TMEM196: variants seen among roughly 807,000 people sequenced by gnomAD.
TMEM196 encodes the protein transmembrane protein 196.
Under a neutral mutation model 20.0 loss-of-function variants are expected in TMEM196, and 17 were observed. The observed-to-expected ratio is 0.85, with a 90% confidence interval of 0.58 to 1.27. TMEM196 has a LOEUF of 1.27. Ranked by LOEUF, TMEM196 falls within the 50% of genes most tolerant of loss-of-function variation. The pLI, the probability that TMEM196 is intolerant of heterozygous loss-of-function variation, is 0.00. For missense variants in TMEM196, 267 were observed against 223.0 expected (o/e 1.20, Z -1.26); for synonymous variants, 113 against 88.9 (o/e 1.27, Z -1.52).
At chr7:19,765,434 ACATCATG>A (rs1785588330) in intron 1 of TMEM196, among the ~76,000 whole-genome samples, 1 of 152,170 alleles carries the variant, frequency 6.6e-6, no homozygotes, top group African/African-American at 2.4e-5. Context: ...TGTGAATAAT[ACATCATG>A]TAATAAACAT....
At chr7:19,769,971 T>C (rs1488762909) in intron 1 of TMEM196, among the ~76,000 whole-genome samples, 1 of 152,102 alleles carries the variant, frequency 6.6e-6, no homozygotes, top group East Asian at 1.9e-4. Flanking sequence ...AATGACCCCA[T>C]TTTATAGATA....
intron 1 of TMEM196, among the ~76,000 whole-genome samples, chr7:19,758,665 T>G (rs1785311655): frequency 6.6e-6 from 1 of 152,242 alleles, no homozygotes; most frequent in African/African-American, 2.4e-5. Context: ...TCAATTATAA[T>G]TCTCAACCAA....
rs896813649 is a variant in TMEM196, at chr7:19,725,582, A to T, written c.391T>A (p.Tyr131Asn). The change falls in exon 3 of 5, where the codon TAT becomes AAT. Residue 131 changes from tyrosine to asparagine, a missense_variant. Transcript: ENST00000405844. Reference sequence around the variant, plus strand: ...TCTGAGAACATCCTCCTCTGTTCATAACTGGCTAGTCGACAAGTGAGCCAG... The same window carrying T: ...TCTGAGAACATCCTCCTCTGTTCATTACTGGCTAGTCGACAAGTGAGCCAG... ...SSWLTCRLAS[Y>N]EQRRMFSERE... is the part of the protein sequence containing the mutation. 6.2e-7 allele frequency: 1 copy of T among 1,614,096 alleles called. No individual in the cohort carries two copies. The highest frequency in any genetic ancestry group is 8.5e-7 in the Non-Finnish European group (1 of 1,179,984).
At chr7:19,748,074 C>T (rs10223937) in intron 1 of TMEM196, among the ~76,000 whole-genome samples, 35,549 of 151,620 alleles carry the variant, frequency 0.23, 5,217 homozygotes, top group East Asian at 0.45. Context: ...TTCCACTGGT[C>T]TCTCCCATGC....
chr7:19,760,655 C>G (rs1250656364), intron 1 of TMEM196, among the ~76,000 whole-genome samples: 1 of 152,122 alleles, frequency 6.6e-6, no homozygotes, highest in Admixed American at 6.6e-5. Flanking sequence ...GCCACTGCGC[C>G]CAGCCTATTT....
chr7:19,762,986 C>G (rs1583459731), intron 1 of TMEM196, among the ~76,000 whole-genome samples: 1 of 152,170 alleles, frequency 6.6e-6, no homozygotes, highest in South Asian at 2.1e-4. Flanking sequence ...GTAATAGCAG[C>G]CTAAATGCAG....
At position 19,773,001 on chromosome 7, in the gene TMEM196, G is replaced by A. The variant is rs1562634827; in HGVS notation, c.-305C>T. On this transcript the variant is annotated 5_prime_UTR_variant, in exon 1 of 5. Transcript: ENST00000405844. ...GGGGCTTTTAAGCAGCGGAAAACCT[G>A]GAGGAGCCCAGGGAGCTCCGAGCCT... 1 of 242,220 alleles carries A rather than the reference G, an allele frequency of 4.1e-6. No individual in the cohort carries two copies. Among genetic ancestry groups the A allele is most frequent in the Non-Finnish European group, 7.9e-6 (1 of 127,048 alleles). 15.0% of individuals were successfully genotyped at this position (242,220 alleles called of 1,614,324 possible). A position where few individuals can be genotyped will look rare whatever the true frequency, so the allele number is the denominator to read the frequency against.
intron 1 of TMEM196, among the ~76,000 whole-genome samples, chr7:19,767,546 A>G (rs1785685148): frequency 1.3e-5 from 2 of 152,102 alleles, no homozygotes; most frequent in Non-Finnish European, 1.5e-5. Flanking sequence ...ATGTCTGTGA[A>G]ACTATAATAA....
At chr7:19,722,718 A>G (rs1227267744) in intron 4 of TMEM196, among the ~76,000 whole-genome samples, 1 of 152,190 alleles carries the variant, frequency 6.6e-6, no homozygotes, top group East Asian at 1.9e-4. Context: ...TAATGGATCA[A>G]TTACTAAAAA....
intron 1 of TMEM196, among the ~76,000 whole-genome samples, chr7:19,747,486 C>T (rs954622649): frequency 6.6e-6 from 1 of 152,098 alleles, no homozygotes; most frequent in African/African-American, 2.4e-5. Flanking sequence ...CAAGCACTTG[C>T]TAGGTAACAG....
chr7:19,721,062 G>GTCTA lies in TMEM196; in HGVS notation c.*1062_*1065dup, dbSNP rs1386645395. On this transcript the variant is annotated 3_prime_UTR_variant, in exon 5 of 5. Coordinates refer to ENST00000405844, the MANE Select transcript of TMEM196 (RefSeq NM_001363562.2). ...TCATAGTGAAATAGTCAAATAAGTAGTCTATCTGTATACTACACTATTCAG... is the reference window on the plus strand; with the variant it reads ...TCATAGTGAAATAGTCAAATAAGTAGTCTATCTATCTGTATACTACACTATTCAG... 6.6e-6 allele frequency: 1 copy of GTCTA among 151,730 alleles called. No homozygotes were observed. Among genetic ancestry groups the GTCTA allele is most frequent in the Non-Finnish European group, 1.5e-5 (1 of 67,768 alleles). 9.4% of individuals were successfully genotyped at this position (151,730 alleles called of 1,614,324 possible). A position where few individuals can be genotyped will look rare whatever the true frequency, so the allele number is the denominator to read the frequency against.
chr7:19,772,066 A>G (rs1785902070), intron 1 of TMEM196, among the ~76,000 whole-genome samples: 2 of 152,158 alleles, frequency 1.3e-5, no homozygotes, highest in South Asian at 4.1e-4. Flanking sequence ...CCTCTGGTGT[A>G]CCTTGGGCAT....
chr7:19,747,270 TA>T (rs1784791272), intron 1 of TMEM196, among the ~76,000 whole-genome samples: 3 of 105,132 alleles, frequency 2.9e-5, no homozygotes, highest in Non-Finnish European at 5.0e-5. Context: ...AATAAATAAA[TA>T]AAATAAAATA....
intron 1 of TMEM196, among the ~76,000 whole-genome samples, chr7:19,731,348 C>T (rs1784193836): frequency 6.6e-6 from 1 of 152,186 alleles, no homozygotes; most frequent in African/African-American, 2.4e-5. Context: ...GACCGTTTCT[C>T]ACCACCCACT....
intron 1 of TMEM196, among the ~76,000 whole-genome samples, chr7:19,749,849 A>T (rs1349133089): frequency 1.3e-5 from 2 of 152,204 alleles, no homozygotes; most frequent in African/African-American, 4.8e-5. Context: ...AGTGTCAGTG[A>T]GTCATGCAAT....
intron 1 of TMEM196, among the ~76,000 whole-genome samples, chr7:19,732,472 G>T (rs10260908): frequency 0.4 from 59,974 of 151,264 alleles, 13,111 homozygotes; most frequent in East Asian, 0.87. Context: ...ACTCTGGAGG[G>T]GGAGGCAGCA....
Position 19,733,199 on chromosome 7 carries a change from G to A in TMEM196, c.148-3761C>T, listed in dbSNP as rs114298171. Among the ~76,000 whole-genome samples the A allele has an allele frequency of 8.0e-3, 1,215 of 152,272 alleles. 20 individuals carry two copies. Among genetic ancestry groups the A allele is most frequent in the African/African-American group, 0.025 (1,030 of 41,544 alleles). On this transcript the variant is annotated intron_variant, in intron 1 of 4. Coordinates refer to ENST00000405844, the MANE Select transcript of TMEM196 (RefSeq NM_001363562.2). ...TTCAATAGAAAACTAAGATTGTGACGTGTTGGACGAAATGACATGATTATG... is the reference window on the plus strand; with the variant it reads ...TTCAATAGAAAACTAAGATTGTGACATGTTGGACGAAATGACATGATTATG...
intron 1 of TMEM196, among the ~76,000 whole-genome samples, chr7:19,749,241 C>T (rs939718167): frequency 2.0e-5 from 3 of 152,146 alleles, no homozygotes; most frequent in African/African-American, 7.2e-5. Context: ...AGCCACCCTT[C>T]TTAGAAGTGG....
chr7:19,747,249 C>G (rs1261255200), intron 1 of TMEM196, among the ~76,000 whole-genome samples: 1 of 128,426 alleles, frequency 7.8e-6, no homozygotes, highest in Non-Finnish European at 1.6e-5. Context: ...AGCGAGACTC[C>G]GTCTCAAAAA....
Sources: gnomAD v4.1 joint callset for allele counts (sites outside exome capture counted in the v4.1 genomes callset) on GRCh38, gnomAD v4.1.1 for gene constraint, MANE v1.5 for transcripts, NCBI Gene and HGNC (gene_info 2026-07-23, HGNC 2026-07-21) for gene names.